Variants in KCNQ5 observed in about 807,000 individuals in gnomAD.
The protein encoded by KCNQ5 is potassium voltage-gated channel subfamily Q member 5.
A neutral mutation model predicts 98.2 loss-of-function variants in KCNQ5; 30 were observed. The observed-to-expected ratio is 0.31, with a 90% CI of 0.23 to 0.41. The LOEUF (loss-of-function observed/expected upper bound fraction) is 0.41. Among genes scored for constraint, KCNQ5 ranks in the 10% least tolerant of loss-of-function variants. The probability of loss-of-function intolerance (pLI) is 1.00; values close to 1 mark genes in which losing one functional copy is unlikely to be tolerated. For missense variants in KCNQ5, 835 were observed against 1,182.5 expected, an observed-to-expected ratio of 0.71 and a Z score of 4.31; for synonymous variants, 458 against 449.4, an observed-to-expected ratio of 1.02 and a Z score of -0.24.
Position 72,624,392 on chromosome 6 carries a change from C to A in KCNQ5, c.398+1805C>A, listed in dbSNP as rs557047224. 2.0e-5 allele frequency among the ~76,000 whole-genome samples: 3 copies of A among 152,154 alleles called. No individual in the cohort carries two copies. The South Asian group carries it at 6.2e-4, about 32-fold the overall frequency. ...AACAGTATGCTCAAAACATTTCTAG[C>A]CTTTCTTTTTTTTATATTATGCATT... On this transcript the variant is annotated intron_variant, in intron 1 of 13. Transcript: ENST00000370398.
chr6:73,167,155 G>A (rs1777834178), intron 10 of KCNQ5, among the ~76,000 whole-genome samples: 1 of 152,132 alleles, frequency 6.6e-6, no homozygotes, highest in African/African-American at 2.4e-5. Flanking sequence ...TTGTGTGGGT[G>A]GTCAATCCAG....
In KCNQ5 at chr6:72,737,228, G is replaced by A. The variant is rs140821635; in HGVS notation, c.398+114641G>A. Among the ~76,000 whole-genome samples, 489 of 152,288 alleles carry A rather than the reference G, an allele frequency of 3.2e-3. 4 individuals are homozygous for A. The highest frequency in any genetic ancestry group is 0.011 in the African/African-American group (473 of 41,558). ...GCCCACCTTGGCCTTCCAAAGTTCT[G>A]GGATTACAGGTGTTAGCCACCAAGC... On this transcript the variant is annotated intron_variant, in intron 1 of 13. Coordinates refer to ENST00000370398, the MANE Select transcript of KCNQ5 (RefSeq NM_019842.4).
At chr6:72,925,562 A>G (rs995422634) in intron 1 of KCNQ5, among the ~76,000 whole-genome samples, 1 of 152,228 alleles carries the variant, frequency 6.6e-6, no homozygotes, top group African/African-American at 2.4e-5. Flanking sequence ...CCTGGGCTTA[A>G]GGAGTATATA....
At chr6:72,663,115 C>A (rs1166380834) in intron 1 of KCNQ5, among the ~76,000 whole-genome samples, 2 of 151,922 alleles carry the variant, frequency 1.3e-5, no homozygotes, top group Non-Finnish European at 1.5e-5. Context: ...GGGAGGGGAA[C>A]ATTACACACC....
chr6:73,026,155 G>C (rs1372888047), intron 2 of KCNQ5, among the ~76,000 whole-genome samples: 2 of 152,178 alleles, frequency 1.3e-5, no homozygotes, highest in Non-Finnish European at 2.9e-5. Context: ...TGAGGGATGA[G>C]AGCAGCTGTG....
chr6:72,766,405 G>A (rs1772573632), intron 1 of KCNQ5, among the ~76,000 whole-genome samples: 1 of 151,948 alleles, frequency 6.6e-6, no homozygotes, highest in African/African-American at 2.4e-5. Flanking sequence ...AAAAGGAAGT[G>A]ACTTGATCTG....
chr6:72,666,330 G>A (rs961000964), intron 1 of KCNQ5, among the ~76,000 whole-genome samples: 3 of 103,704 alleles, frequency 2.9e-5, no homozygotes, highest in African/African-American at 9.8e-5. Context: ...ATAACAACTG[G>A]AATAAATTTA....
At chr6:72,761,485 A>G (rs888032149) in intron 1 of KCNQ5, among the ~76,000 whole-genome samples, 6 of 151,884 alleles carry the variant, frequency 4.0e-5, no homozygotes, top group Non-Finnish European at 7.4e-5. Context: ...TCTAAACCAT[A>G]TTATAAGTAA....
At chr6:72,805,228 G>A (rs1476689013) in intron 1 of KCNQ5, among the ~76,000 whole-genome samples, 2 of 152,080 alleles carry the variant, frequency 1.3e-5, no homozygotes, top group Non-Finnish European at 2.9e-5. Context: ...TATTACTGAA[G>A]AAATCTTTGC....
intron 5 of KCNQ5, among the ~76,000 whole-genome samples, chr6:73,101,514 C>T (rs988598417): frequency 2.6e-5 from 4 of 151,960 alleles, no homozygotes; most frequent in Non-Finnish European, 5.9e-5. Context: ...ACCTAGAGTC[C>T]CCATAAAAAA....
chr6:72,986,622 G>A lies in KCNQ5; in HGVS notation c.399-17286G>A, dbSNP rs117484353. 1,397 of 693,414 alleles carry A rather than the reference G, an allele frequency of 2.0e-3. 3 individuals are homozygous for A. Among genetic ancestry groups the A allele is most frequent in the Middle Eastern group, 3.8e-3 (15 of 3,932 alleles). 43.0% of individuals were successfully genotyped at this position (693,414 alleles called of 1,614,324 possible). A position where few individuals can be genotyped will look rare whatever the true frequency, so the allele number is the denominator to read the frequency against. On this transcript the variant is annotated intron_variant, in intron 1 of 13. Transcript: ENST00000370398. Reference sequence around the variant, plus strand: ...CACGTAGAACCTGACACCACGCTGCGTGCCAGACGGTCAGAGAAGTCACCC... The same window carrying A: ...CACGTAGAACCTGACACCACGCTGCATGCCAGACGGTCAGAGAAGTCACCC...
chr6:72,922,115 G>A (rs994939685), intron 1 of KCNQ5, among the ~76,000 whole-genome samples: 83 of 151,996 alleles, frequency 5.5e-4, no homozygotes, highest in African/African-American at 1.7e-3. Context: ...GACCAACTTC[G>A]TATTTGTGGA....
chr6:72,718,000 C>T (rs1226667750), intron 1 of KCNQ5, among the ~76,000 whole-genome samples: 1 of 152,146 alleles, frequency 6.6e-6, no homozygotes, highest in Non-Finnish European at 1.5e-5. Flanking sequence ...ACATCATATG[C>T]CAGTCATTAC....
chr6:72,935,565 T>G (rs1765880556), intron 1 of KCNQ5, among the ~76,000 whole-genome samples: 1 of 152,212 alleles, frequency 6.6e-6, no homozygotes, highest in Non-Finnish European at 1.5e-5. Context: ...TTGTTTCTTT[T>G]ATCTTGTATC....
intron 10 of KCNQ5, chr6:73,135,871 A>G (rs1776447923): frequency 6.6e-6 from 1 of 152,260 alleles, no homozygotes; most frequent in South Asian, 2.1e-4. Flanking sequence ...CTGAGTCTTT[A>G]CATAGACTTT....
chr6:73,006,846 T>C (rs1356300424), intron 2 of KCNQ5, among the ~76,000 whole-genome samples: 1 of 152,150 alleles, frequency 6.6e-6, no homozygotes, highest in Admixed American at 6.5e-5. Flanking sequence ...CATTTTAAAA[T>C]ATGTTCAGAT....
chr6:73,125,496 A>T (rs1220478415), intron 9 of KCNQ5: 1 of 517,276 alleles, frequency 1.9e-6, no homozygotes, highest in Non-Finnish European at 3.9e-6. Context: ...TTCCATAAAG[A>T]AATGAAGGCA....
At chr6:73,012,635 A>G (rs1420029554) in intron 2 of KCNQ5, among the ~76,000 whole-genome samples, 1 of 152,070 alleles carries the variant, frequency 6.6e-6, no homozygotes, top group Admixed American at 6.6e-5. Context: ...TATATTACAT[A>G]TATTTTACCA....
At chr6:73,133,681 G>A (rs1278752222) in intron 10 of KCNQ5, 40 bp downstream of exon 10, 1 of 1,530,508 alleles carries the variant, frequency 6.5e-7, no homozygotes, top group South Asian at 1.1e-5. Context: ...AATTGGATAG[G>A]CTATAGTGAG....
Sources: gnomAD v4.1 joint callset for allele counts (sites outside exome capture counted in the v4.1 genomes callset) on GRCh38, gnomAD v4.1.1 for gene constraint, MANE v1.5 for transcripts, NCBI Gene and HGNC (gene_info 2026-07-23, HGNC 2026-07-21) for gene names.